The following FBN2 variants were observed in gnomAD, a reference collection of about 807,000 sequenced individuals.
FBN2 encodes fibrillin 2.
A neutral mutation model predicts 355.6 loss-of-function variants in FBN2; 105 were observed. The observed-to-expected ratio is 0.30, with a 90% CI of 0.25 to 0.35. FBN2 has a LOEUF of 0.35. Ranked by LOEUF, FBN2 falls within the 10% of genes least tolerant of loss-of-function variation. FBN2 has a pLI of 1.00. For missense variants in FBN2, 3,280 were observed against 3,758.7 expected (o/e 0.87, Z 3.33); for synonymous variants, 1,350 against 1,301.2 (o/e 1.04, Z -0.81).
rs768062237 is a variant in FBN2, at chr5:128,330,543, G to A, written c.4345+30C>T. 5.5e-5 allele frequency: 89 copies of A among 1,613,060 alleles called. 1 individual carries two copies. The East Asian group carries it at 1.0e-3, about 18-fold the overall frequency. ...ATATAGAGTGTTCTATGACCATCCCGTCAGAGCACACCTCAGGACTGTCAC... is the reference window on the plus strand; with the variant it reads ...ATATAGAGTGTTCTATGACCATCCCATCAGAGCACACCTCAGGACTGTCAC... On this transcript the variant is annotated intron_variant, in intron 33 of 64. Coordinates refer to ENST00000262464, the MANE Select transcript of FBN2 (RefSeq NM_001999.4).
At chr5:128,281,830 C>T (rs573218749) in intron 55 of FBN2, among the ~76,000 whole-genome samples, 64 of 152,138 alleles carry the variant, frequency 4.2e-4, no homozygotes, top group Non-Finnish European at 7.4e-4. Flanking sequence ...GGACTACAGG[C>T]GCCCGCCACC....
intron 36 of FBN2, 139 bp from the exon 37 acceptor site, chr5:128,312,934 C>A: frequency 1.1e-6 from 1 of 932,004 alleles, no homozygotes; most frequent in South Asian, 1.3e-5. Flanking sequence ...AAGTACCAAG[C>A]AATCTCCTGC....
At chr5:128,519,136 A>G in intron 5 of FBN2, 137 bp downstream of exon 5, 1 of 727,954 alleles carries the variant, frequency 1.4e-6, no homozygotes, top group South Asian at 1.6e-5. Flanking sequence ...AAATCTTACC[A>G]TTCAACTTAG....
intron 61 of FBN2, 49 bp from the exon 62 acceptor site, chr5:128,272,167 T>C (rs779018728): frequency 6.2e-7 from 1 of 1,611,736 alleles, no homozygotes; most frequent in Non-Finnish European, 8.5e-7. Flanking sequence ...TCTTCTACTA[T>C]TTTTAAATGC....
chr5:128,285,093 C>T (rs754578889), intron 55 of FBN2, among the ~76,000 whole-genome samples: 4 of 152,114 alleles, frequency 2.6e-5, no homozygotes, highest in African/African-American at 4.8e-5. Flanking sequence ...GTCAAGTTTC[C>T]GTCTCTGATT....
At position 128,392,066 on chromosome 5, in the gene FBN2, A is replaced by G. The variant is rs778960455; in HGVS notation, c.1555T>C (p.Cys519Arg). 6.2e-7 allele frequency: 1 copy of G among 1,613,858 alleles called. No individual in the cohort carries two copies. Among genetic ancestry groups the G allele is most frequent in the Non-Finnish European group, 8.5e-7 (1 of 1,179,752 alleles). The change falls in exon 11 of 65, where the codon TGT (cysteine) becomes CGT (arginine). Residue 519 changes from cysteine (C) to arginine (R), a missense_variant. Around this residue, in one of 6 missense-constraint regions of FBN2, gnomAD observed 2,284 missense variants for 2,749.5 expected, o/e 0.83. Coordinates refer to ENST00000262464, the MANE Select transcript of FBN2 (RefSeq NM_001999.4). ...TGCTTATAACCCATGTTGCATTCAC[A>G]TCGGTAGCTTGAGACAGTTGGTATA... ...RCIPTVSSYR[C>R]ECNMGYKQDA...
intron 2 of FBN2, among the ~76,000 whole-genome samples, chr5:128,533,062 A>C (rs1756748286): frequency 6.6e-6 from 1 of 152,226 alleles, no homozygotes; most frequent in Non-Finnish European, 1.5e-5. Flanking sequence ...AGAAAAAGTG[A>C]ATAGTGTCAA....
At chr5:128,290,136 C>G (rs746783810) in intron 50 of FBN2, among the ~76,000 whole-genome samples, 189 bp from the exon 51 acceptor site, 1 of 152,154 alleles carries the variant, frequency 6.6e-6, no homozygotes, top group Non-Finnish European at 1.5e-5. Context: ...TTCTAGGGTG[C>G]CACCTGCTCA....
chr5:128,414,027 A>T (rs1034117841), intron 7 of FBN2, among the ~76,000 whole-genome samples: 2 of 152,172 alleles, frequency 1.3e-5, no homozygotes, highest in Admixed American at 1.3e-4. Flanking sequence ...CAATATTACA[A>T]ATTGCAATGG....
chr5:128,536,254 T>G lies in FBN2; in HGVS notation c.337+148A>C, dbSNP rs1244575861. On this transcript the variant is annotated intron_variant, in intron 2 of 64. Transcript: ENST00000262464. ...CAAACCGGTTGAGTCTTCCCCACTA[T>G]TCAAATGGGGCCGCGTCCCGATTAT... 1.5e-5 allele frequency: 11 copies of G among 711,920 alleles called. No homozygotes were observed. The Admixed American group carries it at 2.0e-4, about 13-fold the overall frequency. 44.1% of individuals were successfully genotyped at this position (711,920 alleles called of 1,614,324 possible). A position where few individuals can be genotyped will look rare whatever the true frequency, so the allele number is the denominator to read the frequency against.
At chr5:128,313,220 G>C (rs931629684) in intron 36 of FBN2, among the ~76,000 whole-genome samples, 2 of 149,552 alleles carry the variant, frequency 1.3e-5, no homozygotes, top group African/African-American at 4.8e-5. Flanking sequence ...ACTTAGAGAA[G>C]ATACTTAAGG....
intron 55 of FBN2, among the ~76,000 whole-genome samples, chr5:128,284,049 A>C (rs1339957969): frequency 6.6e-6 from 1 of 152,180 alleles, no homozygotes; most frequent in Non-Finnish European, 1.5e-5. Context: ...TAAGACAGTC[A>C]CCTAAATGAA....
At chr5:128,385,276 T>A (rs1561430331) in intron 11 of FBN2, among the ~76,000 whole-genome samples, 1 of 152,256 alleles carries the variant, frequency 6.6e-6, no homozygotes, top group East Asian at 1.9e-4. Context: ...ACTGAATGTT[T>A]AGCTACCACT....
rs1764861149 is a variant in FBN2 at position 128,257,955 on chromosome 5, A to G, written c.*1500T>C. 1 of 152,676 alleles carries G rather than the reference A, an allele frequency of 6.5e-6. No homozygotes were observed. The highest frequency in any genetic ancestry group is 2.4e-5 in the African/African-American group (1 of 41,460). 9.5% of individuals were successfully genotyped at this position (152,676 alleles called of 1,614,324 possible). On this transcript the variant is annotated 3_prime_UTR_variant, in exon 65 of 65. Transcript: ENST00000262464. ...GCAAGAAAAGTGTCATATTTGATAC[A>G]CAGACCTACAAAAACAAACAAAACC...
In FBN2 at chr5:128,349,204, C is replaced by T. The variant is rs1751277609; in HGVS notation, c.2989+143G>A. 1.2e-5 allele frequency: 11 copies of T among 927,134 alleles called. No individual in the cohort carries two copies. In the South Asian group the frequency reaches 1.4e-4, roughly 12 times the overall value. 57.4% of individuals were successfully genotyped at this position (927,134 alleles called of 1,614,324 possible). On this transcript the variant is annotated intron_variant, in intron 23 of 64. Coordinates refer to ENST00000262464, the MANE Select transcript of FBN2 (RefSeq NM_001999.4). ...ATAAATACATTCACTTTTAAAACAGCCTCTAGTGATTTCCCCCTAAATATC... is the reference window on the plus strand; with the variant it reads ...ATAAATACATTCACTTTTAAAACAGTCTCTAGTGATTTCCCCCTAAATATC...
intron 5 of FBN2, among the ~76,000 whole-genome samples, chr5:128,501,261 T>C (rs114993568): frequency 1.2e-4 from 19 of 152,296 alleles, no homozygotes; most frequent in Non-Finnish European, 2.5e-4. Flanking sequence ...AAGAATAACC[T>C]GAGAAAGTAC....
At chr5:128,427,163 G>C (rs1358587493) in intron 7 of FBN2, among the ~76,000 whole-genome samples, 3 of 152,052 alleles carry the variant, frequency 2.0e-5, no homozygotes, top group Non-Finnish European at 2.9e-5. Flanking sequence ...ATCCCTCGTA[G>C]GGGCCTGAGC....
chr5:128,300,933 G>A lies in FBN2; in HGVS notation c.6050C>T (p.Thr2017Ile), dbSNP rs570637550. ...LTPDGKNCID[T>I]NECVALPGSC... ...GCCGGGAAGGGCGACACACTCATTA[G>A]TGTCTTTAGAGAAAAAGAAGAGAAA... The change falls in exon 48 of 65, where the codon ACT becomes ATT. Residue 2017 changes from threonine to isoleucine, a missense_variant. Thr to Ile is a moderately conservative substitution (Grantham distance 89, BLOSUM62 -1). Around this residue, in one of 6 missense-constraint regions of FBN2, gnomAD observed 2,284 missense variants for 2,749.5 expected, o/e 0.83. Transcript: ENST00000262464. 1.4e-5 allele frequency: 23 copies of A among 1,613,408 alleles called. No individual in the cohort carries two copies. In the South Asian group the frequency reaches 2.4e-4, roughly 17 times the overall value.
At position 128,297,903 on chromosome 5, in the gene FBN2, C is replaced by T. The variant is rs981949730; in HGVS notation, c.6166+2914G>A. Among the ~76,000 whole-genome samples, 9 of 151,026 alleles carry T rather than the reference C, an allele frequency of 6.0e-5. No individual in the cohort carries two copies. The South Asian group carries it at 8.5e-4, about 14-fold the overall frequency. On this transcript the variant is annotated intron_variant, in intron 48 of 64. Coordinates refer to ENST00000262464, the MANE Select transcript of FBN2 (RefSeq NM_001999.4). ...TATGACGTTAGCTGGTTATTTTGCT[C>T]GTTAGTTGATGCAGTTTCTTCCTAG...
Sources: gnomAD v4.1 joint callset for allele counts (sites outside exome capture counted in the v4.1 genomes callset) on GRCh38, gnomAD v4.1.1 for gene constraint, gnomAD v4.1.1 regional missense constraint, MANE v1.5 for transcripts, NCBI Gene and HGNC (gene_info 2026-07-23, HGNC 2026-07-21) for gene names.